The following ZNF529 variants were observed in gnomAD, a reference collection of about 807,000 sequenced individuals.
ZNF529 encodes zinc finger protein 529.
Under a neutral mutation model 10.1 loss-of-function variants are expected in ZNF529, and 11 were observed. That is an observed-to-expected ratio of 1.09 (90% CI 0.69 to 1.81). ZNF529 has a LOEUF of 1.81. Ranked by LOEUF, ZNF529 falls within the 40% of genes most tolerant of loss-of-function variation. The pLI, the probability that ZNF529 is intolerant of heterozygous loss-of-function variation, is 0.00. For missense variants in ZNF529, 624 were observed against 666.8 expected (o/e 0.94, Z 0.71); for synonymous variants, 204 against 215.7 (o/e 0.95, Z 0.47).
chr19:36,593,230 C>G (rs1169249094), intron 1 of ZNF529, among the ~76,000 whole-genome samples: 2 of 152,144 alleles, frequency 1.3e-5, no homozygotes, highest in Admixed American at 1.3e-4. Context: ...GGCTGGAGTT[C>G]AGTGGCGTGA....
intron 1 of ZNF529, chr19:36,594,472 G>C (rs2036796692): frequency 6.6e-6 from 1 of 152,258 alleles, no homozygotes; most frequent in Non-Finnish European, 1.5e-5. Flanking sequence ...CCATCATGCT[G>C]TGAGGAATCC....
At chr19:36,574,736 T>C (rs192794588), upstream of ZNF529, 66 of 444,488 alleles carry the variant, frequency 1.5e-4, no homozygotes, top group Non-Finnish European at 2.9e-4. Flanking sequence ...TTCATTTTTC[T>C]TTTTCTGAAC....
In ZNF529 at chr19:36,544,461, AG is replaced by A. The variant is rs754723317; in HGVS notation, c.*2404del. 4 of 152,200 alleles carry A rather than the reference AG, an allele frequency of 2.6e-5. No individual in the cohort carries two copies. The highest frequency in any genetic ancestry group is 6.5e-5 in the Admixed American group (1 of 15,280). The allele number at this position is 152,200 out of a possible 1,614,324, so 9.4% of individuals were successfully genotyped here. ...TTAGTTTTAATTTGTTTAAGCTGGA[AG>A]GAAAAAAACACACACAAAGAAATAT... On this transcript the variant is annotated 3_prime_UTR_variant, in exon 5 of 5. Coordinates refer to ENST00000591340, the MANE Select transcript of ZNF529 (RefSeq NM_020951.5).
upstream of ZNF529, among the ~76,000 whole-genome samples, chr19:36,578,113 G>A (rs1330638463): frequency 2.3e-5 from 3 of 128,076 alleles, no homozygotes; most frequent in East Asian, 4.5e-4. Context: ...CACCCAGGCT[G>A]GAGTGCAGTG....
intron 1 of ZNF529, among the ~76,000 whole-genome samples, chr19:36,592,646 A>G (rs1047905809): frequency 1.3e-5 from 2 of 151,998 alleles, no homozygotes; most frequent in East Asian, 1.9e-4. Flanking sequence ...AATTTAATCT[A>G]GAAATATGTA....
intron 2 of ZNF529, among the ~76,000 whole-genome samples, chr19:36,572,104 T>G (rs1038652995): frequency 2.0e-5 from 3 of 150,258 alleles, no homozygotes; most frequent in South Asian, 4.3e-4. Flanking sequence ...AAAAAAGTTT[T>G]AACTTCTCCT....
In ZNF529 at chr19:36,547,118, A is replaced by G; in HGVS notation, c.1440T>C (p.Cys480=). Residue 480 remains cysteine, a synonymous_variant, in exon 5 of 5, where the codon TGT becomes TGC. Transcript: ENST00000591340. ...RIHSGEKPYE[C]KVCGKAFRHS... ...GTCTAAAGGCCTTCCCACATACCTTACATTCATAAGGTTTCTCACCACTAT... is the reference window on the plus strand; with the variant it reads ...GTCTAAAGGCCTTCCCACATACCTTGCATTCATAAGGTTTCTCACCACTAT... The G allele has an allele frequency of 6.2e-7, 1 of 1,613,902 alleles. No individual in the cohort carries two copies. The highest frequency in any genetic ancestry group is 8.5e-7 in the Non-Finnish European group (1 of 1,179,932).
chr19:36,554,389 C>T (rs558399947), intron 4 of ZNF529, among the ~76,000 whole-genome samples: 5 of 152,202 alleles, frequency 3.3e-5, no homozygotes, highest in Non-Finnish European at 5.9e-5. Flanking sequence ...CCAGCCTGGC[C>T]AACATGGTGA....
At chr19:36,604,761 T>G (rs2036991683) in intron 1 of ZNF529, 1 of 152,330 alleles carries the variant, frequency 6.6e-6, no homozygotes, top group African/African-American at 2.4e-5. Flanking sequence ...GATAACAGCA[T>G]GACACATTCA....
intron 2 of ZNF529, among the ~76,000 whole-genome samples, chr19:36,563,675 A>T (rs1177754425): frequency 1.3e-5 from 2 of 152,232 alleles, no homozygotes; most frequent in Non-Finnish European, 2.9e-5. Context: ...AGGAAGAATC[A>T]ATATCATTAA....
intron 1 of ZNF529, among the ~76,000 whole-genome samples, chr19:36,600,638 T>C (rs148568854): frequency 7.5e-4 from 114 of 152,314 alleles, no homozygotes; most frequent in African/African-American, 2.4e-3. Flanking sequence ...CAAAACATTT[T>C]TGGGTTGTAT....
At chr19:36,550,502 C>T (rs1401974884) in intron 4 of ZNF529, among the ~76,000 whole-genome samples, 3 of 151,854 alleles carry the variant, frequency 2.0e-5, no homozygotes, top group Admixed American at 6.6e-5. Context: ...GCTGAGACTG[C>T]GCCACCACAC....
At chr19:36,552,892 T>C (rs888017169) in intron 4 of ZNF529, among the ~76,000 whole-genome samples, 3 of 152,164 alleles carry the variant, frequency 2.0e-5, no homozygotes, top group African/African-American at 7.2e-5. Flanking sequence ...ACTAGACAGG[T>C]AAAGAAAGCT....
At position 36,583,085 on chromosome 19, in the gene ZNF529, A is replaced by T. The variant is rs2036506468; in HGVS notation, c.-41+6530T>A. On this transcript the variant is annotated intron_variant, in intron 2 of 4. Transcript: ENST00000585960. ...TTTGTTTGTTTGTTTGTTTGGAGACAGGGTCTTGCTTTGTCAGACTGGAGG... is the reference window on the plus strand; with the variant it reads ...TTTGTTTGTTTGTTTGTTTGGAGACTGGGTCTTGCTTTGTCAGACTGGAGG... Among the ~76,000 whole-genome samples, 10 of 152,220 alleles carry T rather than the reference A, an allele frequency of 6.6e-5. No homozygotes were observed. In the South Asian group the frequency reaches 2.1e-3, roughly 32 times the overall value.
At position 36,544,633 on chromosome 19, in the gene ZNF529, C is replaced by G. The variant is rs2145773818; in HGVS notation, c.*2233G>C. On this transcript the variant is annotated 3_prime_UTR_variant, in exon 5 of 5. Coordinates refer to ENST00000591340, the MANE Select transcript of ZNF529 (RefSeq NM_020951.5). Reference sequence around the variant, plus strand: ...TTTAGTTAGAAATAGAGCTACTACTCTATTTCAAAGATATGAAATAGCAAA... The same window carrying G: ...TTTAGTTAGAAATAGAGCTACTACTGTATTTCAAAGATATGAAATAGCAAA... 1 of 152,270 alleles carries G rather than the reference C, an allele frequency of 6.6e-6. No individual in the cohort carries two copies. The highest frequency in any genetic ancestry group is 1.9e-4 in the East Asian group (1 of 5,186). The allele number at this position is 152,270 out of a possible 1,614,324, so 9.4% of individuals were successfully genotyped here. A position where few individuals can be genotyped will look rare whatever the true frequency, so the allele number is the denominator to read the frequency against.
intron 2 of ZNF529, among the ~76,000 whole-genome samples, chr19:36,561,812 G>A (rs548549372): frequency 1.3e-5 from 2 of 152,338 alleles, no homozygotes; most frequent in Admixed American, 6.5e-5. Flanking sequence ...CAGTGTGTCT[G>A]GAACATGCGA....
At chr19:36,561,775 CGGGCCTTT>C (rs2035706850) in intron 2 of ZNF529, among the ~76,000 whole-genome samples, 1 of 152,224 alleles carries the variant, frequency 6.6e-6, no homozygotes, top group African/African-American at 2.4e-5. Context: ...AGGGACCCTT[CGGGCCTTT>C]GGGGTCCAAC....
At chr19:36,579,946 T>A (rs749290956) in intron 2 of ZNF529, among the ~76,000 whole-genome samples, 1 of 152,220 alleles carries the variant, frequency 6.6e-6, no homozygotes, top group East Asian at 1.9e-4. Context: ...GACTCTTCAC[T>A]TAAAACGCAA....
chr19:36,562,498 A>G (rs1267466038), intron 2 of ZNF529, among the ~76,000 whole-genome samples: 4 of 152,096 alleles, frequency 2.6e-5, no homozygotes, highest in African/African-American at 7.2e-5. Flanking sequence ...AGAATGTAAC[A>G]TGTCCTCTCC....
Sources: allele counts gnomAD v4.1 joint callset (sites outside exome capture counted in the v4.1 genomes callset), GRCh38; gene constraint gnomAD v4.1.1; transcripts MANE v1.5; gene names NCBI Gene and HGNC (gene_info 2026-07-23, HGNC 2026-07-21).